The following ABTB2 variants were observed in gnomAD, a reference collection of about 807,000 sequenced individuals.
ABTB2 encodes ankyrin repeat and BTB domain containing 2.
ABTB2 carries 56 observed loss-of-function variants against 104.1 expected under a neutral mutation model. That is an observed-to-expected ratio of 0.54 (90% CI 0.43 to 0.67). The LOEUF (loss-of-function observed/expected upper bound fraction) is 0.67, where lower values mean the gene tolerates loss of function less well. Among genes scored for constraint, ABTB2 ranks in the 30% least tolerant of loss-of-function variants. The probability of loss-of-function intolerance (pLI) is 0.00; values close to 1 mark genes in which losing one functional copy is unlikely to be tolerated. For synonymous variants in ABTB2, 606 were observed against 608.2 expected, an observed-to-expected ratio of 1.00 and a Z score of 0.05; for missense variants, 1,279 against 1,407.7, an observed-to-expected ratio of 0.91 and a Z score of 1.46.
At chr11:34,253,916 C>T (rs542463601) in intron 1 of ABTB2, among the ~76,000 whole-genome samples, 1 of 152,238 alleles carries the variant, frequency 6.6e-6, no homozygotes, top group East Asian at 1.9e-4. Flanking sequence ...CCATGTCCCC[C>T]TCTCCAATCC....
At chr11:34,240,457 G>C (rs1202255112) in intron 1 of ABTB2, among the ~76,000 whole-genome samples, 1 of 152,230 alleles carries the variant, frequency 6.6e-6, no homozygotes, top group African/African-American at 2.4e-5. Context: ...GCCTGACAAG[G>C]ATCCCACCTG....
intron 1 of ABTB2, among the ~76,000 whole-genome samples, chr11:34,307,539 C>T (rs1488978210): frequency 1.3e-5 from 2 of 152,200 alleles, no homozygotes; most frequent in East Asian, 1.9e-4. Flanking sequence ...TCAACAGAAA[C>T]GCCATAGACC....
chr11:34,254,670 C>CTTTT (rs57784717), intron 1 of ABTB2, among the ~76,000 whole-genome samples: 19 of 127,678 alleles, frequency 1.5e-4, no homozygotes, highest in Admixed American at 3.2e-4. Flanking sequence ...ATATTAGAAA[C>CTTTT]TTTTTTTTTT....
chr11:34,172,902 C>T (rs962839776), intron 4 of ABTB2, among the ~76,000 whole-genome samples: 1 of 152,204 alleles, frequency 6.6e-6, no homozygotes, highest in African/African-American at 2.4e-5. Flanking sequence ...CTGCCCCAGT[C>T]CCAATGTGTG....
At chr11:34,213,994 C>CAGTA (rs1477504653) in intron 1 of ABTB2, among the ~76,000 whole-genome samples, 1 of 152,160 alleles carries the variant, frequency 6.6e-6, no homozygotes, top group African/African-American at 2.4e-5. Context: ...AGTCTTGGAA[C>CAGTA]TACTGCCTCT....
At chr11:34,336,125 C>A (rs141475713) in intron 1 of ABTB2, 174 of 263,206 alleles carry the variant, frequency 6.6e-4, no homozygotes, top group African/African-American at 2.5e-3. Flanking sequence ...TTTTTAATTT[C>A]TCTACATTGT....
rs187089853 is a variant in ABTB2 at position 34,270,154 on chromosome 11, C to T, written c.884-65464G>A. Among the ~76,000 whole-genome samples, 411 of 152,250 alleles carry T rather than the reference C, an allele frequency of 2.7e-3. 3 individuals carry two copies. Among genetic ancestry groups the T allele is most frequent in the African/African-American group, 9.3e-3 (387 of 41,552 alleles). On this transcript the variant is annotated intron_variant, in intron 1 of 16. Coordinates refer to ENST00000435224, the MANE Select transcript of ABTB2 (RefSeq NM_145804.3). ...CCAATGGCTCTTTCAGAAATCCTGC[C>T]GCAGTCAGGGTGTTGATGCAGGGCT...
At chr11:34,309,985 G>A (rs778615576) in intron 1 of ABTB2, among the ~76,000 whole-genome samples, 14 of 152,104 alleles carry the variant, frequency 9.2e-5, no homozygotes, top group East Asian at 5.8e-4. Context: ...CAGGAAACCC[G>A]GATCACTCCT....
intron 1 of ABTB2, among the ~76,000 whole-genome samples, chr11:34,311,062 C>T (rs1854846802): frequency 6.6e-6 from 1 of 152,210 alleles, no homozygotes; most frequent in South Asian, 2.1e-4. Context: ...TGACCCCTTC[C>T]ACTGCCTTCA....
intron 1 of ABTB2, among the ~76,000 whole-genome samples, chr11:34,352,868 C>T (rs1027299623): frequency 2.6e-5 from 4 of 152,144 alleles, no homozygotes; most frequent in African/African-American, 9.7e-5. Flanking sequence ...CCAGCCTGGG[C>T]AACATAGCAA....
chr11:34,251,369 G>A (rs912201776), intron 1 of ABTB2, among the ~76,000 whole-genome samples: 1 of 152,180 alleles, frequency 6.6e-6, no homozygotes, highest in East Asian at 1.9e-4. Context: ...GGGAAGAGGC[G>A]GGGCTCATCT....
rs1459407934 is a variant in ABTB2 at position 34,168,000 on chromosome 11, A to T, written c.1564-8T>A. On this transcript the variant is annotated splice_polypyrimidine_tract_variant and splice_region_variant and intron_variant, in intron 5 of 16. Transcript: ENST00000435224. Reference sequence around the variant, plus strand: ...CATCAGTGGCGTCATACCCTGAGCAAATCAAATGCACGTGCTAAACTGTTT... The same window carrying T: ...CATCAGTGGCGTCATACCCTGAGCATATCAAATGCACGTGCTAAACTGTTT... 3 of 1,613,504 alleles carry T rather than the reference A, an allele frequency of 1.9e-6. No homozygotes were observed. In the Admixed American group the frequency reaches 5.0e-5, roughly 27 times the overall value.
At chr11:34,231,195 C>T (rs542817540) in intron 1 of ABTB2, among the ~76,000 whole-genome samples, 14 of 152,238 alleles carry the variant, frequency 9.2e-5, no homozygotes, top group Admixed American at 2.0e-4. Flanking sequence ...GCGCTCTCAA[C>T]GGGCAAAGCC....
At chr11:34,275,944 G>C (rs1854377000) in intron 1 of ABTB2, among the ~76,000 whole-genome samples, 1 of 152,224 alleles carries the variant, frequency 6.6e-6, no homozygotes, top group African/African-American at 2.4e-5. Context: ...TCACACAACA[G>C]GGCCATTGCT....
chr11:34,290,951 C>A (rs1475372764), intron 1 of ABTB2, among the ~76,000 whole-genome samples: 1 of 152,198 alleles, frequency 6.6e-6, no homozygotes, highest in Non-Finnish European at 1.5e-5. Context: ...TTCTGAGACA[C>A]AAGAGACTAA....
intron 1 of ABTB2, among the ~76,000 whole-genome samples, chr11:34,302,593 A>C (rs1246091681): frequency 2.0e-5 from 3 of 152,184 alleles, no homozygotes; most frequent in Non-Finnish European, 2.9e-5. Context: ...TATTTCTCTC[A>C]ACAGTTTGTT....
chr11:34,167,435 A>G (rs7120749), intron 6 of ABTB2, 75 bp from the exon 7 acceptor site: 1,092,055 of 1,224,930 alleles, frequency 0.89, 488,053 homozygotes, highest in East Asian at 1. Flanking sequence ...ATGGTGAACC[A>G]GAGTTAACAA....
intron 1 of ABTB2, among the ~76,000 whole-genome samples, chr11:34,333,568 C>A (rs1463523207): frequency 6.6e-6 from 1 of 152,070 alleles, no homozygotes; most frequent in African/African-American, 2.4e-5. Context: ...CCAGCCTGGC[C>A]AACATGGCAA....
Position 34,254,059 on chromosome 11 carries a change from C to T in ABTB2, c.884-49369G>A, listed in dbSNP as rs139028983. On this transcript the variant is annotated intron_variant, in intron 1 of 16. Transcript: ENST00000435224. ...ACAGCTTAATAAGTCATGACTTAAA[C>T]GACTTAAGTCACTTGAGCACTTATC... Among the ~76,000 whole-genome samples the T allele has an allele frequency of 3.6e-4, 55 of 152,240 alleles. No individual in the cohort carries two copies. In the East Asian group the frequency reaches 4.6e-3, roughly 13 times the overall value.
Sources: gnomAD v4.1 joint callset for allele counts (sites outside exome capture counted in the v4.1 genomes callset) on GRCh38, gnomAD v4.1.1 for gene constraint, MANE v1.5 for transcripts, NCBI Gene and HGNC (gene_info 2026-07-23, HGNC 2026-07-21) for gene names.